ELN: variants seen among roughly 807,000 people sequenced by gnomAD.
The protein encoded by ELN is elastin.
In ELN, 65 loss-of-function variants were observed where a neutral mutation model predicts 105.8. That is an observed-to-expected ratio of 0.61 (90% CI 0.50 to 0.75). The LOEUF (loss-of-function observed/expected upper bound fraction) is 0.75. Among genes scored for constraint, ELN ranks in the 30% least tolerant of loss-of-function variants. ELN has a pLI of 0.00. For missense variants in ELN, 882 were observed against 969.4 expected (o/e 0.91, Z 1.20); for synonymous variants, 368 against 389.2 (o/e 0.95, Z 0.64).
intron 17 of ELN, 91 bp downstream of exon 17, chr7:74,052,074 T>C: frequency 6.9e-7 from 1 of 1,459,004 alleles, no homozygotes; most frequent in East Asian, 2.3e-5. Context: ...ACTTGGCCTT[T>C]GTTCCTTCCC....
At chr7:74,042,061 G>GA (rs76164151) in intron 5 of ELN, among the ~76,000 whole-genome samples, 128 of 135,252 alleles carry the variant, frequency 9.5e-4, no homozygotes, top group Middle Eastern at 7.6e-3. Context: ...TCTCTAAAGG[G>GA]AAAAAAAAAA....
rs2131261849 is a variant in ELN at position 74,037,632 on chromosome 7, C to T, written c.164-75C>T. The T allele has an allele frequency of 3.2e-6, 5 of 1,571,736 alleles. No individual in the cohort carries two copies. The South Asian group carries it at 5.8e-5, about 18-fold the overall frequency. ...TGATTCCACACTGCCCACACTTTGC[C>T]CGGGTTGGGGGTTGGATAAGTAGTA... On this transcript the variant is annotated intron_variant, in intron 3 of 32. Transcript: ENST00000252034.
chr7:74,052,103 C>A, intron 17 of ELN, 120 bp downstream of exon 17: 1 of 1,111,144 alleles, frequency 9.0e-7, no homozygotes, highest in Non-Finnish European at 1.3e-6. Context: ...ATTGTTCATG[C>A]CTCCTTACCT....
rs375310579 is a variant in ELN, at chr7:74,048,961, AT to A, written c.799+406del. Reference sequence around the variant, plus strand: ...CATCTATCCATCCATCCACTTATCTATCCATTCATCTACTTATTTACACATC... The same window carrying A: ...CATCTATCCATCCATCCACTTATCTACCATTCATCTACTTATTTACACATC... On this transcript the variant is annotated intron_variant, in intron 15 of 32. Coordinates refer to ENST00000252034, the MANE Select transcript of ELN (RefSeq NM_000501.4). Among the ~76,000 whole-genome samples, 147 of 150,866 alleles carry A rather than the reference AT, an allele frequency of 9.7e-4. 1 individual carries two copies. The highest frequency in any genetic ancestry group is 3.4e-3 in the African/African-American group (141 of 40,898).
intron 29 of ELN, among the ~76,000 whole-genome samples, chr7:74,064,451 T>C (rs1797514739): frequency 6.9e-6 from 1 of 145,584 alleles, no homozygotes; most frequent in Admixed American, 6.9e-5. Context: ...TATATGTATG[T>C]ATGTATGTAT....
chr7:74,030,060 C>T (rs189395891), intron 1 of ELN, among the ~76,000 whole-genome samples: 4 of 152,342 alleles, frequency 2.6e-5, no homozygotes, highest in East Asian at 1.9e-4. Context: ...CACCGCTAAA[C>T]GCCCAGCTGG....
chr7:74,028,945 A>C (rs1554660611), intron 1 of ELN, among the ~76,000 whole-genome samples: 1 of 152,006 alleles, frequency 6.6e-6, no homozygotes, highest in Admixed American at 6.5e-5. Flanking sequence ...ACAGGTGTGC[A>C]TGTGTTCAGA....
In ELN at chr7:74,048,568, T is replaced by C. The variant is rs1563807507; in HGVS notation, c.799+12T>C. 2.5e-6 allele frequency: 4 copies of C among 1,613,684 alleles called. No homozygotes were observed. Among genetic ancestry groups the C allele is most frequent in the Non-Finnish European group, 2.5e-6 (3 of 1,179,772 alleles). Reference sequence around the variant, plus strand: ...AGCAGCAAAGTTCGGTGAGTGCCCCTGGAGTCCCCACCTGGTGGCCTCCAG... The same window carrying C: ...AGCAGCAAAGTTCGGTGAGTGCCCCCGGAGTCCCCACCTGGTGGCCTCCAG... On this transcript the variant is annotated intron_variant, in intron 15 of 32. Coordinates refer to ENST00000252034, the MANE Select transcript of ELN (RefSeq NM_000501.4).
At chr7:74,065,617 A>G (rs1797765260) in intron 29 of ELN, 77 bp from the exon 30 acceptor site, 18 of 360,994 alleles carry the variant, frequency 5.0e-5, no homozygotes, top group Non-Finnish European at 8.4e-5. Context: ...CTGCCTCAAG[A>G]AAAAAAAAAA....
Position 74,044,359 on chromosome 7 carries a change from C to T in ELN, c.469+439C>T, listed in dbSNP as rs913849275. Among the ~76,000 whole-genome samples the T allele has an allele frequency of 3.9e-5, 6 of 152,144 alleles. No homozygotes were observed. In the East Asian group the frequency reaches 1.2e-3, roughly 29 times the overall value. ...CCCTGGGTCCTGACCTGAGCCATTT[C>T]CCCAAACTCCAAAGCTCAGGCTAAC... On this transcript the variant is annotated intron_variant, in intron 9 of 32. Coordinates refer to ENST00000252034, the MANE Select transcript of ELN (RefSeq NM_000501.4).
intron 1 of ELN, among the ~76,000 whole-genome samples, chr7:74,034,161 G>A (rs554735761): frequency 3.9e-5 from 6 of 152,192 alleles, no homozygotes; most frequent in Admixed American, 3.3e-4. Flanking sequence ...ACCCAAGCTC[G>A]GCTGCCCAGT....
intron 1 of ELN, among the ~76,000 whole-genome samples, chr7:74,034,043 C>A (rs554313416): frequency 6.6e-6 from 1 of 152,190 alleles, no homozygotes; most frequent in African/African-American, 2.4e-5. Context: ...TCCTGTCTGG[C>A]CGGTGAATTC....
At position 74,065,927 on chromosome 7, in the gene ELN, C is replaced by T. The variant is rs1797841708; in HGVS notation, c.2033-17C>T. On this transcript the variant is annotated splice_polypyrimidine_tract_variant and intron_variant, in intron 30 of 32. Transcript: ENST00000252034. Reference sequence around the variant, plus strand: ...CGATGGGGGTGTCTTATCCTGACCCCACCTGCCTCTTCTCAGGTGCTGCTG... The same window carrying T: ...CGATGGGGGTGTCTTATCCTGACCCTACCTGCCTCTTCTCAGGTGCTGCTG... 1.2e-6 allele frequency: 2 copies of T among 1,614,172 alleles called. No homozygotes were observed. Among genetic ancestry groups the T allele is most frequent in the East Asian group, 2.2e-5 (1 of 44,882 alleles).
At chr7:74,051,521 TG>T (rs2131837726) in intron 15 of ELN, among the ~76,000 whole-genome samples, 1 of 152,300 alleles carries the variant, frequency 6.6e-6, no homozygotes, top group Non-Finnish European at 1.5e-5. Flanking sequence ...GGGATTTGTC[TG>T]AAAACATACA....
intron 10 of ELN, 147 bp downstream of exon 10, chr7:74,045,440 G>A: frequency 3.4e-6 from 3 of 880,950 alleles, no homozygotes; most frequent in South Asian, 2.9e-5. Context: ...GCCTGGTGCT[G>A]AAAAACCTCA....
Position 74,068,737 on chromosome 7 carries a change from T to C in ELN, c.*37T>C. The C allele has an allele frequency of 6.2e-7, 1 of 1,611,518 alleles. No homozygotes were observed. Among genetic ancestry groups the C allele is most frequent in the East Asian group, 2.2e-5 (1 of 44,834 alleles). ...CCCCTGACTCACGACCTCATCAACGTTGGTGCTACTGCTTGGTGGAGAATG... is the reference window on the plus strand; with the variant it reads ...CCCCTGACTCACGACCTCATCAACGCTGGTGCTACTGCTTGGTGGAGAATG... On this transcript the variant is annotated 3_prime_UTR_variant, in exon 33 of 33. Coordinates refer to ENST00000252034, the MANE Select transcript of ELN (RefSeq NM_000501.4).
chr7:74,042,585 A>G, intron 5 of ELN, 29 bp from the exon 6 acceptor site: 2 of 1,605,374 alleles, frequency 1.2e-6, no homozygotes, highest in Non-Finnish European at 1.7e-6. Flanking sequence ...GTGGTAGCTC[A>G]GGACCTCACC....
intron 14 of ELN, 127 bp from the exon 15 acceptor site, chr7:74,048,376 C>A (rs926142959): frequency 2.6e-6 from 4 of 1,511,544 alleles, no homozygotes; most frequent in African/African-American, 1.4e-5. Flanking sequence ...TCAGCCTCTG[C>A]CTACTCTGAA....
intron 30 of ELN, 85 bp from the exon 31 acceptor site, chr7:74,065,859 A>T: frequency 6.2e-7 from 1 of 1,612,466 alleles, no homozygotes; most frequent in Admixed American, 1.7e-5. Flanking sequence ...TGTCTGGGAC[A>T]TTCCTTAACC....
Sources: allele counts gnomAD v4.1 joint callset (sites outside exome capture counted in the v4.1 genomes callset), GRCh38; gene constraint gnomAD v4.1.1; transcripts MANE v1.5; gene names NCBI Gene and HGNC (gene_info 2026-07-23, HGNC 2026-07-21).